Variants in GPC6 observed in about 807,000 individuals in gnomAD.
GPC6 encodes the protein glypican-6.
In GPC6, 14 loss-of-function variants were observed where a neutral mutation model predicts 55.2. That is an observed-to-expected ratio of 0.25 (90% CI 0.17 to 0.40). GPC6 has a LOEUF of 0.40. GPC6 is among the 10% of genes least tolerant of loss of function. The pLI is 1.00. For missense variants in GPC6, 641 were observed against 708.5 expected, an observed-to-expected ratio of 0.90 and a Z score of 1.08; for synonymous variants, 278 against 259.6, an observed-to-expected ratio of 1.07 and a Z score of -0.68.
chr13:93,785,200 G>A (rs1374816601), intron 2 of GPC6, among the ~76,000 whole-genome samples: 2 of 151,996 alleles, frequency 1.3e-5, no homozygotes, highest in Non-Finnish European at 2.9e-5. Flanking sequence ...CTAGAAAAAA[G>A]GGAATTATTT....
chr13:93,554,576 G>A (rs1042541108), intron 2 of GPC6, among the ~76,000 whole-genome samples: 1 of 152,322 alleles, frequency 6.6e-6, no homozygotes, highest in South Asian at 2.1e-4. Context: ...ACAGTGTAAA[G>A]TGTTTATTAT....
In GPC6 at chr13:94,101,785, CA is replaced by C. The variant is rs931176075; in HGVS notation, c.877+73902del. 3.2e-3 allele frequency among the ~76,000 whole-genome samples: 437 copies of C among 137,712 alleles called. 1 individual carries two copies. The highest frequency in any genetic ancestry group is 9.9e-3 in the African/African-American group (375 of 37,868). The allele number at this position is 137,712 out of a possible 152,430, so 90.3% of individuals were successfully genotyped here. A position where few individuals can be genotyped will look rare whatever the true frequency, so the allele number is the denominator to read the frequency against. On this transcript the variant is annotated intron_variant, in intron 4 of 8. Coordinates refer to ENST00000377047, the MANE Select transcript of GPC6 (RefSeq NM_005708.5). ...GATTAAATGCATCTTATTTGGGAAC[CA>C]AAAAAAAAAACCAAGCAAATATTGG...
intron 2 of GPC6, among the ~76,000 whole-genome samples, chr13:93,752,913 C>T (rs1884645931): frequency 6.6e-6 from 1 of 152,202 alleles, no homozygotes; most frequent in Non-Finnish European, 1.5e-5. Flanking sequence ...ACAACATTAA[C>T]TTTACATTGT....
chr13:93,227,532 A>G lies in GPC6; in HGVS notation c.76A>G (p.Lys26Glu). ...LLSLPAGADV[K>E]ARSCGEVRQA... Reference sequence around the variant, plus strand: ...CTCCCTCCCCGCCGGGGCGGATGTGAAGGCTCGGAGCTGCGGAGAGGTCCG... The same window carrying G: ...CTCCCTCCCCGCCGGGGCGGATGTGGAGGCTCGGAGCTGCGGAGAGGTCCG... The change falls in exon 1 of 9, where the codon AAG becomes GAG. Residue 26 changes from lysine to glutamate, a missense_variant. Physicochemically the swap from Lys to Glu is moderately conservative, Grantham distance 56. Coordinates refer to ENST00000377047, the MANE Select transcript of GPC6 (RefSeq NM_005708.5). The surrounding 1 kb of genome is among the most constrained non-coding windows in gnomAD (Gnocchi z 4.3). 1 of 1,613,522 alleles carries G rather than the reference A, an allele frequency of 6.2e-7. No individual in the cohort carries two copies. The highest frequency in any genetic ancestry group is 8.5e-7 in the Non-Finnish European group (1 of 1,179,678).
intron 2 of GPC6, among the ~76,000 whole-genome samples, chr13:93,691,483 T>C (rs1882255100): frequency 6.6e-6 from 1 of 151,642 alleles, no homozygotes; most frequent in South Asian, 2.1e-4. Flanking sequence ...GCCATGGTTT[T>C]TTTTTTTCTC....
chr13:94,210,636 G>C (rs1890048526), intron 4 of GPC6, among the ~76,000 whole-genome samples: 1 of 152,178 alleles, frequency 6.6e-6, no homozygotes, highest in Non-Finnish European at 1.5e-5. Flanking sequence ...AACACTGTGA[G>C]AGCAGAAATT....
chr13:93,555,805 A>G (rs1040933453), intron 2 of GPC6, among the ~76,000 whole-genome samples: 1 of 152,216 alleles, frequency 6.6e-6, no homozygotes, highest in African/African-American at 2.4e-5. Flanking sequence ...TGGGTTCAAC[A>G]CCAGAGATGA....
chr13:94,384,957 C>G (rs970281074), intron 7 of GPC6, among the ~76,000 whole-genome samples: 2 of 152,166 alleles, frequency 1.3e-5, no homozygotes, highest in African/African-American at 2.4e-5. Flanking sequence ...GTCCCAGGCT[C>G]TGTGCAAGGC....
At chr13:93,694,590 T>G (rs1882380997) in intron 2 of GPC6, among the ~76,000 whole-genome samples, 1 of 152,140 alleles carries the variant, frequency 6.6e-6, no homozygotes, top group Non-Finnish European at 1.5e-5. Context: ...GATTGCCTAA[T>G]CCAAGACTGA....
chr13:93,680,991 A>G (rs1161548398), intron 2 of GPC6, among the ~76,000 whole-genome samples: 3 of 152,148 alleles, frequency 2.0e-5, no homozygotes, highest in Non-Finnish European at 4.4e-5. Context: ...CAGGTAAGAA[A>G]TAATGAGGTT....
chr13:93,430,718 C>T (rs1252497082), intron 1 of GPC6, among the ~76,000 whole-genome samples: 1 of 152,116 alleles, frequency 6.6e-6, no homozygotes, highest in East Asian at 1.9e-4. Context: ...TTCTTATTTG[C>T]TCTTTATGCC....
intron 3 of GPC6, among the ~76,000 whole-genome samples, chr13:93,879,670 T>C (rs1203565248): frequency 3.3e-5 from 5 of 151,152 alleles, no homozygotes; most frequent in South Asian, 2.1e-4. Flanking sequence ...ACTTCATGTC[T>C]AAAACACCAA....
chr13:93,751,970 A>G (rs575657425), intron 2 of GPC6, among the ~76,000 whole-genome samples: 25 of 152,078 alleles, frequency 1.6e-4, no homozygotes, highest in Non-Finnish European at 2.6e-4. Flanking sequence ...CCCTTTAATA[A>G]TTCTCTCAGG....
At chr13:93,561,659 C>T (rs1359741711) in intron 2 of GPC6, among the ~76,000 whole-genome samples, 1 of 151,940 alleles carries the variant, frequency 6.6e-6, no homozygotes, top group Non-Finnish European at 1.5e-5. Flanking sequence ...GCTGGGTGCT[C>T]ATTGATAACT....
At chr13:94,056,729 GA>G (rs150490075) in intron 4 of GPC6, among the ~76,000 whole-genome samples, 5,025 of 152,256 alleles carry the variant, frequency 0.033, 245 homozygotes, top group African/African-American at 0.1. Context: ...ATCAATAATG[GA>G]AAAATCCATT....
At chr13:93,343,159 A>G (rs1348424515) in intron 1 of GPC6, among the ~76,000 whole-genome samples, 2 of 151,428 alleles carry the variant, frequency 1.3e-5, no homozygotes, top group Non-Finnish European at 2.9e-5. Context: ...TTTAACCTGA[A>G]TGTCTGTACA....
At chr13:93,311,125 C>A (rs1393125254) in intron 1 of GPC6, among the ~76,000 whole-genome samples, 1 of 152,110 alleles carries the variant, frequency 6.6e-6, no homozygotes, top group East Asian at 1.9e-4. Flanking sequence ...GTCTAGACCT[C>A]CGGCATCAGA....
At chr13:94,366,551 A>G (rs1879296933) in intron 6 of GPC6, among the ~76,000 whole-genome samples, 1 of 152,240 alleles carries the variant, frequency 6.6e-6, no homozygotes, top group South Asian at 2.1e-4. Context: ...TATAACTGCT[A>G]GAAATACTGA....
chr13:94,285,058 A>T (rs936603063), intron 4 of GPC6, among the ~76,000 whole-genome samples: 13 of 152,212 alleles, frequency 8.5e-5, no homozygotes, highest in Non-Finnish European at 1.9e-4. Context: ...CATAAACCAG[A>T]TAAGAAACAA....
Sources: allele counts gnomAD v4.1 joint callset (sites outside exome capture counted in the v4.1 genomes callset), GRCh38; gene constraint gnomAD v4.1.1; non-coding constraint Gnocchi (gnomAD v3.1); transcripts MANE v1.5; gene names NCBI Gene and HGNC (gene_info 2026-07-23, HGNC 2026-07-21).